CSMD1: variants seen among roughly 807,000 people sequenced by gnomAD.
The protein encoded by CSMD1 is CUB and sushi domain-containing protein 1.
In CSMD1, 213 loss-of-function variants were observed where a neutral mutation model predicts 417.5. The ratio of observed to expected loss-of-function variants is 0.51; its 90% CI spans 0.46 to 0.57. The LOEUF (loss-of-function observed/expected upper bound fraction) is 0.57. Ranked by LOEUF, CSMD1 falls within the 20% of genes least tolerant of loss-of-function variation. The pLI, the probability that CSMD1 is intolerant of heterozygous loss-of-function variation, is 0.00. For synonymous variants in CSMD1, 2,862 were observed against 1,736.8 expected (o/e 1.65, Z -16.11); for missense variants, 6,923 against 4,529.7 (o/e 1.53, Z -15.17).
At chr8:4,160,067 C>T (rs953126011) in intron 3 of CSMD1, among the ~76,000 whole-genome samples, 24 of 150,226 alleles carry the variant, frequency 1.6e-4, no homozygotes, top group Admixed American at 6.7e-5. Flanking sequence ...ACCACCTGTT[C>T]TCCAAAAGTA....
chr8:4,045,486 C>T (rs1798103372), intron 3 of CSMD1, among the ~76,000 whole-genome samples: 1 of 152,140 alleles, frequency 6.6e-6, no homozygotes, highest in Non-Finnish European at 1.5e-5. Flanking sequence ...GAACACTGTC[C>T]CCAGTTGGGG....
intron 46 of CSMD1, among the ~76,000 whole-genome samples, chr8:3,105,220 G>A (rs951553505): frequency 1.4e-4 from 21 of 152,168 alleles, no homozygotes; most frequent in Admixed American, 1.4e-3. Context: ...CACAGTGCAG[G>A]GAAGAGTGAC....
At chr8:4,519,771 A>G (rs1015549984) in intron 2 of CSMD1, among the ~76,000 whole-genome samples, 1 of 130,560 alleles carries the variant, frequency 7.7e-6, no homozygotes, top group East Asian at 2.2e-4. Flanking sequence ...AAAAAAAAAA[A>G]AAAAAAAAAA....
chr8:4,385,658 G>A (rs1283908505), intron 3 of CSMD1, among the ~76,000 whole-genome samples: 2 of 152,042 alleles, frequency 1.3e-5, no homozygotes, highest in Non-Finnish European at 2.9e-5. Context: ...GCATCATCCT[G>A]TAGGCATTAT....
chr8:4,673,196 C>G (rs1474843917), intron 1 of CSMD1, among the ~76,000 whole-genome samples: 2 of 152,132 alleles, frequency 1.3e-5, no homozygotes, highest in African/African-American at 4.8e-5. Context: ...AGACATTTAT[C>G]AGGTACAATG....
chr8:4,830,556 G>C (rs1023059822), intron 1 of CSMD1, among the ~76,000 whole-genome samples: 1 of 152,186 alleles, frequency 6.6e-6, no homozygotes, highest in African/African-American at 2.4e-5. Context: ...GTCAAGAGGA[G>C]ACATCATAAG....
intron 10 of CSMD1, among the ~76,000 whole-genome samples, chr8:3,528,633 A>G (rs1203853495): frequency 6.6e-6 from 1 of 152,228 alleles, no homozygotes; most frequent in African/African-American, 2.4e-5. Flanking sequence ...TAACTGACTA[A>G]TTAAATGTCT....
At chr8:3,203,416 G>A (rs1563139164) in intron 31 of CSMD1, among the ~76,000 whole-genome samples, 1 of 152,212 alleles carries the variant, frequency 6.6e-6, no homozygotes, top group Non-Finnish European at 1.5e-5. Flanking sequence ...AGAATGTGAT[G>A]AGAAGAACAA....
intron 27 of CSMD1, among the ~76,000 whole-genome samples, chr8:3,229,218 C>G (rs1373766001): frequency 1.3e-5 from 2 of 152,172 alleles, no homozygotes; most frequent in African/African-American, 4.8e-5. Flanking sequence ...ATCACTTTCT[C>G]TCTTCACACA....
At chr8:4,774,533 T>C (rs890978750) in intron 1 of CSMD1, among the ~76,000 whole-genome samples, 15 of 152,228 alleles carry the variant, frequency 9.9e-5, no homozygotes, top group African/African-American at 3.4e-4. Context: ...AATATCATCA[T>C]GTCCAGGCAG....
At chr8:3,770,476 C>A (rs1798507999) in intron 5 of CSMD1, among the ~76,000 whole-genome samples, 1 of 152,112 alleles carries the variant, frequency 6.6e-6, no homozygotes, top group Non-Finnish European at 1.5e-5. Context: ...TTGCAGTGAG[C>A]CAAGATCACA....
chr8:4,419,975 T>C lies in CSMD1; in HGVS notation c.393A>G (p.Gln131=), dbSNP rs772713390. The change falls in exon 3 of 70, where the codon CAA becomes CAG. Residue 131 remains glutamine (Q), a synonymous_variant. Transcript: ENST00000635120. ...WFTTDFAVSA[Q]GFKALYEVLP... The stretch of plus-strand genomic sequence containing the variant: ...TACCTTCATATAATGCTTTGAAACC[T>C]TGGGCACTCACAGCGAAGTCTGTCG... The C allele has an allele frequency of 3.8e-6, 6 of 1,583,376 alleles. No individual in the cohort carries two copies. The highest frequency in any genetic ancestry group is 3.5e-5 in the South Asian group (3 of 86,388).
chr8:3,649,635 G>A (rs1215743948), intron 7 of CSMD1, among the ~76,000 whole-genome samples: 1 of 152,150 alleles, frequency 6.6e-6, no homozygotes, highest in Non-Finnish European at 1.5e-5. Context: ...CATGAGAACA[G>A]CACGGAGAAA....
At chr8:4,427,818 G>C (rs1039737370) in intron 2 of CSMD1, among the ~76,000 whole-genome samples, 16 of 152,214 alleles carry the variant, frequency 1.1e-4, no homozygotes, top group Admixed American at 3.3e-4. Context: ...ATATATGCAT[G>C]TTTAACCTAT....
chr8:4,397,826 G>T (rs79624526), intron 3 of CSMD1, among the ~76,000 whole-genome samples: 8 of 151,654 alleles, frequency 5.3e-5, no homozygotes, highest in African/African-American at 1.9e-4. Context: ...ATTTATAATC[G>T]GAAAATAATG....
rs1812985601 is a variant in CSMD1, at chr8:3,067,115, T to C, written c.7475-14468A>G. Among the ~76,000 whole-genome samples the C allele has an allele frequency of 5.3e-5, 8 of 152,042 alleles. No homozygotes were observed. In the South Asian group the frequency reaches 1.7e-3, roughly 32 times the overall value. On this transcript the variant is annotated intron_variant, in intron 49 of 69. Transcript: ENST00000635120. ...GAACAAGAGGTCAATACAATCAGTC[T>C]ACGGAATGAATGGACCCCACGTATG... is the stretch of plus-strand genomic sequence containing the variant.
At chr8:3,571,181 A>G (rs1446473594) in intron 10 of CSMD1, among the ~76,000 whole-genome samples, 1 of 152,192 alleles carries the variant, frequency 6.6e-6, no homozygotes, top group Non-Finnish European at 1.5e-5. Context: ...AACGCCATCA[A>G]CAAGGCTTTC....
At chr8:3,957,518 A>G (rs1812037535) in intron 5 of CSMD1, among the ~76,000 whole-genome samples, 1 of 152,088 alleles carries the variant, frequency 6.6e-6, no homozygotes, top group Non-Finnish European at 1.5e-5. Context: ...TCTATAAAAA[A>G]TAAAATTTTA....
At chr8:3,419,445 T>C (rs1471130041) in intron 12 of CSMD1, among the ~76,000 whole-genome samples, 2 of 152,202 alleles carry the variant, frequency 1.3e-5, no homozygotes, top group African/African-American at 2.4e-5. Flanking sequence ...TTTCAAGTAA[T>C]AAAAATACAC....
Sources: allele counts gnomAD v4.1 joint callset (sites outside exome capture counted in the v4.1 genomes callset), GRCh38; gene constraint gnomAD v4.1.1; transcripts MANE v1.5; gene names NCBI Gene and HGNC (gene_info 2026-07-23, HGNC 2026-07-21).